The following RPL8 variants were observed in gnomAD, a reference collection of about 807,000 sequenced individuals.
The protein encoded by RPL8 is large ribosomal subunit protein uL2.
For synonymous variants in RPL8, 182 were observed against 143.2 expected (o/e 1.27, Z -1.94); for missense variants, 248 against 365.9 (o/e 0.68, Z 2.63).
At position 144,789,796 on chromosome 8, in the gene RPL8, C is replaced by A. The variant is rs956057848; in HGVS notation, c.*8G>T. On this transcript the variant is annotated 3_prime_UTR_variant, in exon 5 of 5. Transcript: ENST00000528957. ...GCATAAACACAAACTTTATTGAGGC[C>A]CTCAGCACTAGTTCTCTTTCTCCTG... The A allele has an allele frequency of 1.1e-5, 18 of 1,613,332 alleles. No individual in the cohort carries two copies. In the African/African-American group the frequency reaches 1.9e-4, roughly 17 times the overall value.
At position 144,791,495 on chromosome 8, in the gene RPL8, G is replaced by A. The variant is rs1425053821; in HGVS notation, c.281C>T (p.Ala94Val). The A allele has an allele frequency of 6.2e-7, 1 of 1,613,338 alleles. No individual in the cohort carries two copies. Among genetic ancestry groups the A allele is most frequent in the Non-Finnish European group, 8.5e-7 (1 of 1,179,892 alleles). Residue 94 changes from alanine to valine, a missense_variant and splice_region_variant, in exon 3 of 5, where the codon GCC (alanine) becomes GTC (valine). Ala to Val is a moderately conservative substitution (Grantham distance 64). Coordinates refer to ENST00000528957, the MANE Select transcript of RPL8 (RefSeq NM_001317782.2). ...TGQFVYCGKKAQLNIGNVLPV... is the reference protein window; with the variant it reads ...TGQFVYCGKKVQLNIGNVLPV... ...GAGCACATTGCCAATGTTGAGCTGG[G>A]CTGCAAGGGGAAGCAGCATCAGGCC...
Position 144,791,768 on chromosome 8 carries a change from C to T in RPL8, c.280+5G>A. On this transcript the variant is annotated splice_donor_5th_base_variant and intron_variant, in intron 2 of 4. Transcript: ENST00000528957. The stretch of plus-strand genomic sequence containing the variant: ...CCGACCTTCCTTCCCCGCCGCGATG[C>T]TAACCCTTCTTGCCGCAATACACAA... 6.2e-7 allele frequency: 1 copy of T among 1,613,590 alleles called. No homozygotes were observed. Among genetic ancestry groups the T allele is most frequent in the African/African-American group, 1.3e-5 (1 of 75,048 alleles).
chr8:144,791,658 T>A (rs1432537931), intron 2 of RPL8, 115 bp downstream of exon 2: 1 of 1,545,688 alleles, frequency 6.5e-7, no homozygotes, highest in East Asian at 2.3e-5. Context: ...CACGCGGATG[T>A]CCCCACCTGA....
intron 3 of RPL8, 24 bp from the exon 4 acceptor site, chr8:144,790,494 G>C (rs769157599): frequency 1.3e-6 from 2 of 1,585,868 alleles, no homozygotes; most frequent in Admixed American, 1.7e-5. Context: ...GATACCTCAG[G>C]GAACCCCCAG....
At chr8:144,791,225 C>CACAGCAT (rs1826500533) in intron 3 of RPL8, 52 bp downstream of exon 3, 4 of 1,561,306 alleles carry the variant, frequency 2.6e-6, no homozygotes, top group Non-Finnish European at 2.6e-6. Context: ...CACCGGCACT[C>CACAGCAT]ACAGCATGTT....
intron 3 of RPL8, 143 bp from the exon 4 acceptor site, chr8:144,790,613 T>C (rs528243445): frequency 1.4e-6 from 1 of 703,952 alleles, no homozygotes; most frequent in African/African-American, 1.7e-5. Flanking sequence ...GGGAGCCCCT[T>C]GCACCCTGTG....
At position 144,791,564 on chromosome 8, in the gene RPL8, A is replaced by G. The variant is rs1372220208; in HGVS notation, c.281-69T>C. 2.6e-6 allele frequency: 4 copies of G among 1,546,560 alleles called. No individual in the cohort carries two copies. The African/African-American group carries it at 4.1e-5, about 16-fold the overall frequency. On this transcript the variant is annotated intron_variant, in intron 2 of 4. Coordinates refer to ENST00000528957, the MANE Select transcript of RPL8 (RefSeq NM_001317782.2). ...AATGCGAACCCCCTCGCTCTAGGCAACCCGCGAAGTTGCGAGCACAGCATT... is the reference window on the plus strand; with the variant it reads ...AATGCGAACCCCCTCGCTCTAGGCAGCCCGCGAAGTTGCGAGCACAGCATT...
chr8:144,792,358 T>C lies in RPL8; in HGVS notation c.-229A>G, dbSNP rs1157525281. On this transcript the variant is annotated 5_prime_UTR_variant, in exon 1 of 5. Coordinates refer to ENST00000528957, the MANE Select transcript of RPL8 (RefSeq NM_001317782.2). ...TGCCCATGCCGCAAGGCCGCAAGGATGACCTACCTGTTCACCAGCGCGGCC... is the reference window on the plus strand; with the variant it reads ...TGCCCATGCCGCAAGGCCGCAAGGACGACCTACCTGTTCACCAGCGCGGCC... 12 of 683,038 alleles carry C rather than the reference T, an allele frequency of 1.8e-5. No individual in the cohort carries two copies. The East Asian group carries it at 1.8e-4, about 10-fold the overall frequency. 42.3% of individuals were successfully genotyped at this position (683,038 alleles called of 1,614,324 possible).
chr8:144,790,159 C>G (rs928383402), intron 4 of RPL8, among the ~76,000 whole-genome samples, 196 bp downstream of exon 4: 1 of 152,160 alleles, frequency 6.6e-6, no homozygotes, highest in Admixed American at 6.5e-5. Flanking sequence ...TGCGGAGAAA[C>G]GGTGAAGGAG....
Position 144,792,339 on chromosome 8 carries a change from T to TGCCGCAAG in RPL8, c.-218_-211dup, listed in dbSNP as rs1183753958. 139 of 769,260 alleles carry TGCCGCAAG rather than the reference T, an allele frequency of 1.8e-4. No individual in the cohort carries two copies. In the East Asian group the frequency reaches 4.7e-3, roughly 26 times the overall value. 47.7% of individuals were successfully genotyped at this position (769,260 alleles called of 1,614,324 possible). On this transcript the variant is annotated 5_prime_UTR_variant, in exon 1 of 5. Transcript: ENST00000528957. ...AGAGGATGGCGGCGGATACTGCCCA[T>TGCCGCAAG]GCCGCAAGGCCGCAAGGATGACCTA... is the stretch of plus-strand genomic sequence containing the variant.
At chr8:144,790,498 C>T (rs1319598045) in intron 3 of RPL8, 28 bp from the exon 4 acceptor site, 1 of 1,573,828 alleles carries the variant, frequency 6.4e-7, no homozygotes, top group Admixed American at 1.7e-5. Context: ...CCTCAGGGAA[C>T]CCCCAGTCGG....
intron 3 of RPL8, chr8:144,790,760 C>G: frequency 1.6e-6 from 1 of 634,058 alleles, no homozygotes; most frequent in African/African-American, 1.8e-5. Flanking sequence ...GCCGGCCACT[C>G]AACCTGACGT....
intron 3 of RPL8, chr8:144,790,749 G>A (rs1826478886): frequency 1.5e-6 from 1 of 646,874 alleles, no homozygotes; most frequent in Non-Finnish European, 2.9e-6. Flanking sequence ...TGAGACGTCA[G>A]GCCGGCCACT....
At position 144,791,246 on chromosome 8, in the gene RPL8, C is replaced by T. The variant is rs749628964; in HGVS notation, c.499+31G>A. On this transcript the variant is annotated intron_variant, in intron 3 of 4. Coordinates refer to ENST00000528957, the MANE Select transcript of RPL8 (RefSeq NM_001317782.2). ...CACTCACAGCATGTTCACCCACAGCCCTCAGCATTCAACTGCTGCCTGATA... is the reference window on the plus strand; with the variant it reads ...CACTCACAGCATGTTCACCCACAGCTCTCAGCATTCAACTGCTGCCTGATA... 3 of 1,598,408 alleles carry T rather than the reference C, an allele frequency of 1.9e-6. No homozygotes were observed. The Admixed American group carries it at 5.0e-5, about 27-fold the overall frequency.
chr8:144,790,246 C>T, intron 4 of RPL8, 109 bp downstream of exon 4: 7 of 934,010 alleles, frequency 7.5e-6, no homozygotes, highest in Non-Finnish European at 1.0e-5. Context: ...TGCTGCTCCT[C>T]CCACCGTAGA....
In RPL8 at chr8:144,790,473, G is replaced by A. The variant is rs544169827; in HGVS notation, c.500-3C>T. 8.7e-6 allele frequency: 14 copies of A among 1,609,274 alleles called. No homozygotes were observed. The highest frequency in any genetic ancestry group is 3.3e-5 in the Admixed American group (2 of 59,964). On this transcript the variant is annotated splice_region_variant and splice_polypyrimidine_tract_variant and intron_variant, in intron 3 of 4. Coordinates refer to ENST00000528957, the MANE Select transcript of RPL8 (RefSeq NM_001317782.2). ...TCGGCCACCTCCAGCCACCACACCT[G>A]TAGGGGATCAGATACCTCAGGGAAC...
At chr8:144,791,718 G>A (rs1366936824) in intron 2 of RPL8, 55 bp downstream of exon 2, 6 of 1,609,690 alleles carry the variant, frequency 3.7e-6, no homozygotes, top group Admixed American at 1.7e-5. Flanking sequence ...TAACTCCTCA[G>A]GCAACACCCA....
At chr8:144,791,022 A>G (rs1826491765) in intron 3 of RPL8, 2 of 546,344 alleles carry the variant, frequency 3.7e-6, no homozygotes, top group Non-Finnish European at 6.6e-6. Context: ...CAGGAAGCCC[A>G]CGGTAGAATC....
Position 144,790,370 on chromosome 8 carries a change from C to T in RPL8, c.600G>A (p.Arg200=), listed in dbSNP as rs999664909. The T allele has an allele frequency of 3.7e-6, 6 of 1,613,572 alleles. No homozygotes were observed. Among genetic ancestry groups the T allele is most frequent in the Non-Finnish European group, 4.2e-6 (5 of 1,179,616 alleles). Reference sequence around the variant, plus strand: ...GGTTACTTACATTCATGGCCACACCCCGTACTCGTGGCCAGCAGTTCCTCT... The same window carrying T: ...GGTTACTTACATTCATGGCCACACCTCGTACTCGTGGCCAGCAGTTCCTCT... ...KAKRNCWPRV[R]GVAMNPVEHP... Residue 200 remains arginine (R), a synonymous_variant, in exon 4 of 5, where the codon CGG becomes CGA. Coordinates refer to ENST00000528957, the MANE Select transcript of RPL8 (RefSeq NM_001317782.2).
Sources: allele counts gnomAD v4.1 joint callset (sites outside exome capture counted in the v4.1 genomes callset), GRCh38; gene constraint gnomAD v4.1.1; transcripts MANE v1.5; gene names NCBI Gene and HGNC (gene_info 2026-07-23, HGNC 2026-07-21).